CD4: variants seen among roughly 807,000 people sequenced by gnomAD.
CD4 encodes the protein T-cell surface glycoprotein CD4.
Under a neutral mutation model 50.5 loss-of-function variants are expected in CD4, and 25 were observed. The ratio of observed to expected loss-of-function variants is 0.49; its 90% CI spans 0.36 to 0.69. The LOEUF (loss-of-function observed/expected upper bound fraction) is 0.69, where lower values mean the gene tolerates loss of function less well. Ranked by LOEUF, CD4 falls within the 30% of genes least tolerant of loss-of-function variation. The probability of loss-of-function intolerance (pLI) is 0.00; values close to 1 mark genes in which losing one functional copy is unlikely to be tolerated. For missense variants in CD4, 456 were observed against 548.5 expected, an observed-to-expected ratio of 0.83 and a Z score of 1.68; for synonymous variants, 207 against 221.9, an observed-to-expected ratio of 0.93 and a Z score of 0.60.
At position 6,816,445 on chromosome 12, in the gene CD4, T is replaced by G; in HGVS notation, c.955+42T>G. 2 of 1,492,286 alleles carry G rather than the reference T, an allele frequency of 1.3e-6. No individual in the cohort carries two copies. Among genetic ancestry groups the G allele is most frequent in the Non-Finnish European group, 9.1e-7 (1 of 1,095,906 alleles). 92.4% of individuals were successfully genotyped at this position (1,492,286 alleles called of 1,614,324 possible). On this transcript the variant is annotated intron_variant, in intron 6 of 9. Transcript: ENST00000011653. This position sits in a 1 kb window ranked among gnomAD's most constrained non-coding sequence, Gnocchi z 4.9. ...GGGAGGGGTGGGCAGGGGAAGGAGT[T>G]GGAGGGGCCTGGCCCAGGGCTCCCT...
intron 3 of CD4, among the ~76,000 whole-genome samples, chr12:6,804,187 C>T (rs1555115818): frequency 6.7e-6 from 1 of 149,644 alleles, no homozygotes; most frequent in Non-Finnish European, 1.5e-5. Context: ...CACACACACA[C>T]ACACAATGCA....
intron 1 of CD4, among the ~76,000 whole-genome samples, chr12:6,796,156 G>T (rs1942370925): frequency 6.6e-6 from 1 of 152,212 alleles, no homozygotes; most frequent in South Asian, 2.1e-4. Context: ...CTCAGCTGCT[G>T]CCAGGCTTGT....
chr12:6,800,763 AC>A (rs60629392), intron 3 of CD4, among the ~76,000 whole-genome samples: 1,876 of 152,228 alleles, frequency 0.012, 42 homozygotes, highest in African/African-American at 0.043. Flanking sequence ...GTTGCTACAG[AC>A]CTATGTAGAT....
chr12:6,794,006 C>CTATCTATCTATA (rs77524161), intron 1 of CD4, among the ~76,000 whole-genome samples: 3 of 92,618 alleles, frequency 3.2e-5, no homozygotes, highest in Non-Finnish European at 5.5e-5. Context: ...ATCTATCTAT[C>CTATCTATCTATA]ACCTATCTAT....
chr12:6,802,046 G>A (rs961629867), intron 3 of CD4, among the ~76,000 whole-genome samples: 12 of 151,224 alleles, frequency 7.9e-5, no homozygotes, highest in South Asian at 2.1e-4. Flanking sequence ...GCTAATTTGC[G>A]TATTTTTAGT....
At position 6,805,945 on chromosome 12, in the gene CD4, C is replaced by A. The variant is rs116040056; in HGVS notation, c.214+5474C>A. On this transcript the variant is annotated intron_variant, in intron 3 of 9. Transcript: ENST00000011653. ...CTCCAGCCTAAGTGACAAAGGGAGA[C>A]CCTGTCTCAAAAACAAAAACAAAAC... Among the ~76,000 whole-genome samples the A allele has an allele frequency of 5.6e-3, 851 of 151,904 alleles. 6 individuals are homozygous for A. The highest frequency in any genetic ancestry group is 0.019 in the African/African-American group (797 of 41,432).
In CD4 at chr12:6,819,574, C is replaced by A; in HGVS notation, c.*245C>A. On this transcript the variant is annotated 3_prime_UTR_variant, in exon 10 of 10. Coordinates refer to ENST00000011653, the MANE Select transcript of CD4 (RefSeq NM_000616.5). ...TCCTTTTCCTTCAAGCCTAGCCCTT[C>A]TCTCATTATTTCTCTCTGACCCTCT... The A allele has an allele frequency of 1.8e-6, 1 of 569,846 alleles. No individual in the cohort carries two copies. Among genetic ancestry groups the A allele is most frequent in the Non-Finnish European group, 3.1e-6 (1 of 318,476 alleles). 35.3% of individuals were successfully genotyped at this position (569,846 alleles called of 1,614,324 possible).
chr12:6,805,643 T>A (rs1942728505), intron 3 of CD4, among the ~76,000 whole-genome samples: 1 of 151,538 alleles, frequency 6.6e-6, no homozygotes, highest in Non-Finnish European at 1.5e-5. Flanking sequence ...TCAAAGAAGA[T>A]CTAAATATAT....
Position 6,794,369 on chromosome 12 carries a change from ATATC to A in CD4, c.-68+4713_-68+4716del, listed in dbSNP as rs531438329. Among the ~76,000 whole-genome samples, 858 of 144,234 alleles carry A rather than the reference ATATC, an allele frequency of 5.9e-3. 14 individuals are homozygous for A. Among genetic ancestry groups the A allele is most frequent in the African/African-American group, 0.021 (830 of 38,754 alleles). The allele number at this position is 144,234 out of a possible 152,430, so 94.6% of individuals were successfully genotyped here. A position where few individuals can be genotyped will look rare whatever the true frequency, so the allele number is the denominator to read the frequency against. ...GGCGTGAGCCACCGTGCCTGGACAT[ATATC>A]TATCTTTTTTTTTTTTGAGATGGAG... On this transcript the variant is annotated intron_variant, in intron 1 of 9. Coordinates refer to ENST00000011653, the MANE Select transcript of CD4 (RefSeq NM_000616.5).
In CD4 at chr12:6,818,745, A is replaced by G. The variant is rs1943181742; in HGVS notation, c.1279-102A>G. ...CCAGGATAGATGGCCTGGGCCATGT[A>G]ACTGCTTCTCCTGTCGCAGCTTCCC... On this transcript the variant is annotated intron_variant, in intron 8 of 9. Transcript: ENST00000011653. The surrounding 1 kb of genome is among the most constrained non-coding windows in gnomAD (Gnocchi z 5.0). 1.6e-6 allele frequency: 2 copies of G among 1,233,604 alleles called. No individual in the cohort carries two copies. Among genetic ancestry groups the G allele is most frequent in the Non-Finnish European group, 2.4e-6 (2 of 836,546 alleles). 76.4% of individuals were successfully genotyped at this position (1,233,604 alleles called of 1,614,324 possible).
chr12:6,815,005 CCTCTTCGCGCAGT>C lies in CD4; in HGVS notation c.607+17_607+29del. 2 of 1,569,494 alleles carry C rather than the reference CCTCTTCGCGCAGT, an allele frequency of 1.3e-6. No individual in the cohort carries two copies. The highest frequency in any genetic ancestry group is 1.7e-6 in the Non-Finnish European group (2 of 1,142,896). The stretch of plus-strand genomic sequence containing the variant: ...ATCGTGGTGCTAGGTAAGGGAAGCC[CCTCTTCGCGCAGT>C]CTCCTCCCTGCCCCAGGGGCTGACA... On this transcript the variant is annotated intron_variant, in intron 5 of 9. Coordinates refer to ENST00000011653, the MANE Select transcript of CD4 (RefSeq NM_000616.5).
intron 3 of CD4, among the ~76,000 whole-genome samples, chr12:6,809,565 G>A (rs182174905): frequency 6.6e-6 from 1 of 152,170 alleles, no homozygotes; most frequent in Admixed American, 6.5e-5. Context: ...CACCAGCCAA[G>A]GCTCACATAC....
At chr12:6,809,528 T>A (rs891531000) in intron 3 of CD4, among the ~76,000 whole-genome samples, 2 of 151,964 alleles carry the variant, frequency 1.3e-5, no homozygotes, top group Non-Finnish European at 2.9e-5. Flanking sequence ...TTCTTCCTCT[T>A]CTTTGTTCCC....
chr12:6,817,362 C>T (rs200603669), intron 7 of CD4, 32 bp downstream of exon 7: 3 of 1,537,124 alleles, frequency 2.0e-6, no homozygotes, highest in South Asian at 1.2e-5. Flanking sequence ...CCTCTGCCTC[C>T]TGGGCTGCGG....
intron 3 of CD4, among the ~76,000 whole-genome samples, chr12:6,805,856 C>T (rs1029670360): frequency 3.3e-5 from 5 of 151,996 alleles, no homozygotes; most frequent in Non-Finnish European, 5.9e-5. Flanking sequence ...GTGGGAAGAT[C>T]GCTTGAGCCC....
chr12:6,812,476 T>A (rs1942965870), intron 3 of CD4, among the ~76,000 whole-genome samples: 1 of 152,124 alleles, frequency 6.6e-6, no homozygotes, highest in Non-Finnish European at 1.5e-5. Context: ...GGTTGGGCAT[T>A]CGAGACCAGC....
At chr12:6,813,761 T>A (rs1464037942) in intron 3 of CD4, among the ~76,000 whole-genome samples, 1 of 152,248 alleles carries the variant, frequency 6.6e-6, no homozygotes, top group Non-Finnish European at 1.5e-5. Flanking sequence ...AATCTCAATA[T>A]GTGAGAGTTT....
intron 1 of CD4, among the ~76,000 whole-genome samples, chr12:6,795,211 A>G (rs892213413): frequency 1.3e-5 from 2 of 151,838 alleles, no homozygotes; most frequent in African/African-American, 2.4e-5. Context: ...CTGTATGTTT[A>G]TCTAATCTAT....
chr12:6,791,471 G>A (rs1390703529), intron 1 of CD4, among the ~76,000 whole-genome samples: 1 of 152,142 alleles, frequency 6.6e-6, no homozygotes, highest in East Asian at 1.9e-4. Flanking sequence ...TCAAACTCCT[G>A]GCCTCAAATG....
Sources: allele counts gnomAD v4.1 joint callset (sites outside exome capture counted in the v4.1 genomes callset), GRCh38; gene constraint gnomAD v4.1.1; non-coding constraint Gnocchi (gnomAD v3.1); transcripts MANE v1.5; gene names NCBI Gene and HGNC (gene_info 2026-07-23, HGNC 2026-07-21).